Variants in FER observed in about 807,000 individuals in gnomAD.
FER encodes the protein tyrosine-protein kinase Fer.
In FER, 63 loss-of-function variants were observed where a neutral mutation model predicts 111.0. The ratio of observed to expected loss-of-function variants is 0.57; its 90% CI spans 0.46 to 0.70. The LOEUF (loss-of-function observed/expected upper bound fraction) is 0.70. Ranked by LOEUF, FER falls within the 30% of genes least tolerant of loss-of-function variation. The pLI, the probability that FER is intolerant of heterozygous loss-of-function variation, is 0.00. For missense variants in FER, 914 were observed against 954.0 expected (o/e 0.96, Z 0.55); for synonymous variants, 327 against 313.9 (o/e 1.04, Z -0.44).
chr5:108,777,090 T>C (rs2149984380), intron 2 of FER, among the ~76,000 whole-genome samples: 1 of 152,196 alleles, frequency 6.6e-6, no homozygotes, highest in Non-Finnish European at 1.5e-5. Flanking sequence ...GGTGGGAGGA[T>C]TGCTTGAGGC....
intron 3 of FER, chr5:108,820,211 C>T (rs960447444): frequency 6.3e-5 from 62 of 985,248 alleles, no homozygotes; most frequent in South Asian, 4.7e-4. Flanking sequence ...CTTCTCTGGA[C>T]GTGAGCTATA....
chr5:109,187,167 A>G (rs1477592595), intron 19 of FER, among the ~76,000 whole-genome samples: 1 of 152,250 alleles, frequency 6.6e-6, no homozygotes, highest in East Asian at 1.9e-4. Flanking sequence ...CAACTAAAAT[A>G]TGCATTTGTA....
intron 16 of FER, among the ~76,000 whole-genome samples, chr5:109,084,110 A>T (rs747694650): frequency 8.6e-5 from 13 of 152,024 alleles, no homozygotes; most frequent in Non-Finnish European, 1.9e-4. Flanking sequence ...ATAGGACATG[A>T]CTATTGAATC....
In FER at chr5:109,049,476, A is replaced by G. The variant is rs139975920; in HGVS notation, c.1924+2278A>G. 5.3e-3 allele frequency among the ~76,000 whole-genome samples: 805 copies of G among 152,270 alleles called. 8 individuals carry two copies. Among genetic ancestry groups the G allele is most frequent in the African/African-American group, 0.018 (746 of 41,556 alleles). On this transcript the variant is annotated intron_variant, in intron 16 of 19. Transcript: ENST00000281092. Reference sequence around the variant, plus strand: ...GCATCCCTTTTCACATCGTCTTTCTATCTTCAAAGTCAGCACGGGCCTGCT... The same window carrying G: ...GCATCCCTTTTCACATCGTCTTTCTGTCTTCAAAGTCAGCACGGGCCTGCT...
chr5:108,868,101 A>G, intron 6 of FER, 151 bp downstream of exon 6: 2 of 703,754 alleles, frequency 2.8e-6, no homozygotes, highest in Admixed American at 3.2e-5. Flanking sequence ...TTCACTTTTC[A>G]TGTCCCTTCA....
At chr5:109,182,881 AC>A (rs776868948) in intron 18 of FER, among the ~76,000 whole-genome samples, 4 of 152,116 alleles carry the variant, frequency 2.6e-5, no homozygotes, top group Non-Finnish European at 5.9e-5. Flanking sequence ...TTACTTTGTC[AC>A]CCGGGCTGGA....
chr5:109,095,059 T>G (rs190735034), intron 16 of FER, among the ~76,000 whole-genome samples: 142 of 152,278 alleles, frequency 9.3e-4, no homozygotes, highest in African/African-American at 3.2e-3. Context: ...ATTGGTTATA[T>G]TCTCAAAAAT....
intron 13 of FER, among the ~76,000 whole-genome samples, chr5:109,022,197 T>G (rs554233917): frequency 6.6e-5 from 10 of 152,116 alleles, no homozygotes; most frequent in African/African-American, 2.4e-4. Flanking sequence ...CTGAGCCCAC[T>G]TCCATGCCCT....
chr5:109,155,568 C>T (rs1755276401), intron 17 of FER, among the ~76,000 whole-genome samples: 1 of 151,824 alleles, frequency 6.6e-6, no homozygotes, highest in Admixed American at 6.6e-5. Context: ...AGTGAGATCA[C>T]TAAACTGTTG....
intron 16 of FER, among the ~76,000 whole-genome samples, chr5:109,098,903 A>C (rs1236831482): frequency 6.6e-6 from 1 of 151,716 alleles, no homozygotes; most frequent in Non-Finnish European, 1.5e-5. Context: ...AAAGGTTAGA[A>C]AAGAAGAGGA....
At position 108,842,888 on chromosome 5, in the gene FER, T is replaced by C. The variant is rs550400521; in HGVS notation, c.481+7081T>C. ...GTAGAACTACCATTTGATCCAGCAA[T>C]CCCACTACTGGGTATCCACCCAGAG... On this transcript the variant is annotated intron_variant, in intron 5 of 19. Coordinates refer to ENST00000281092, the MANE Select transcript of FER (RefSeq NM_005246.4). The C allele has an allele frequency of 3.3e-5, 5 of 152,242 alleles. No homozygotes were observed. In the East Asian group the frequency reaches 7.7e-4, roughly 23 times the overall value. The allele number at this position is 152,242 out of a possible 1,614,324, so 9.4% of individuals were successfully genotyped here.
intron 13 of FER, among the ~76,000 whole-genome samples, chr5:109,002,646 T>C (rs1252140233): frequency 6.6e-6 from 1 of 152,076 alleles, no homozygotes; most frequent in Non-Finnish European, 1.5e-5. Flanking sequence ...ACTAAAAACT[T>C]CTGCACAGCA....
intron 17 of FER, among the ~76,000 whole-genome samples, chr5:109,115,378 G>A (rs1005392326): frequency 1.1e-4 from 16 of 152,080 alleles, no homozygotes; most frequent in Non-Finnish European, 1.5e-4. Flanking sequence ...GATCCAAATT[G>A]AAACCAGGTA....
chr5:109,173,658 C>G (rs1176026160), intron 17 of FER, among the ~76,000 whole-genome samples: 1 of 152,082 alleles, frequency 6.6e-6, no homozygotes, highest in African/African-American at 2.4e-5. Flanking sequence ...CAGAACATAT[C>G]AGCCCTGTCC....
intron 13 of FER, among the ~76,000 whole-genome samples, chr5:108,993,847 G>A (rs1020339244): frequency 6.6e-6 from 1 of 152,108 alleles, no homozygotes; most frequent in East Asian, 1.9e-4. Context: ...TGGTATCTTT[G>A]TGGTTTTGAT....
At chr5:109,038,837 G>A (rs1367607160) in intron 14 of FER, among the ~76,000 whole-genome samples, 1 of 151,758 alleles carries the variant, frequency 6.6e-6, no homozygotes, top group Admixed American at 6.6e-5. Flanking sequence ...TTAGTACTAC[G>A]AAAAAAATAT....
chr5:109,034,684 T>G (rs1327520832), intron 13 of FER, among the ~76,000 whole-genome samples: 1 of 152,116 alleles, frequency 6.6e-6, no homozygotes, highest in African/African-American at 2.4e-5. Context: ...GTTTTTTCTT[T>G]TTGTGTTTTT....
chr5:108,758,366 T>C (rs1265579722), intron 1 of FER, among the ~76,000 whole-genome samples: 1 of 152,192 alleles, frequency 6.6e-6, no homozygotes, highest in East Asian at 1.9e-4. Flanking sequence ...ATTTAATTCT[T>C]ATAACTTTGG....
chr5:109,168,650 T>C (rs1267458408), intron 17 of FER, among the ~76,000 whole-genome samples: 1 of 152,156 alleles, frequency 6.6e-6, no homozygotes, highest in Non-Finnish European at 1.5e-5. Flanking sequence ...CTGGCATGTA[T>C]AAAAAATATT....
Sources: gnomAD v4.1 joint callset for allele counts (sites outside exome capture counted in the v4.1 genomes callset) on GRCh38, gnomAD v4.1.1 for gene constraint, MANE v1.5 for transcripts, NCBI Gene and HGNC (gene_info 2026-07-23, HGNC 2026-07-21) for gene names.